Variants in ARHGAP26 observed in about 807,000 individuals in gnomAD.
ARHGAP26 encodes the protein Rho GTPase activating protein 26.
ARHGAP26 carries 38 observed loss-of-function variants against 104.8 expected under a neutral mutation model. The ratio of observed to expected loss-of-function variants is 0.36; its 90% CI spans 0.28 to 0.48. The LOEUF (loss-of-function observed/expected upper bound fraction) is 0.48, where lower values mean the gene tolerates loss of function less well. Ranked by LOEUF, ARHGAP26 falls within the 20% of genes least tolerant of loss-of-function variation. ARHGAP26 has a pLI of 0.99. For missense variants in ARHGAP26, 704 were observed against 947.9 expected (o/e 0.74, Z 3.38); for synonymous variants, 341 against 340.0 (o/e 1.00, Z -0.03).
intron 17 of ARHGAP26, among the ~76,000 whole-genome samples, chr5:143,076,506 T>G (rs2150407933): frequency 6.6e-6 from 1 of 152,362 alleles, no homozygotes; most frequent in South Asian, 2.1e-4. Context: ...TATTTATATG[T>G]GTGGGCATAT....
chr5:143,200,848 C>A (rs914263946), intron 20 of ARHGAP26, among the ~76,000 whole-genome samples: 1 of 152,320 alleles, frequency 6.6e-6, no homozygotes. Context: ...AGAGGGTCTG[C>A]CACATCCCTT....
At chr5:143,179,990 A>C (rs1804067772) in intron 20 of ARHGAP26, among the ~76,000 whole-genome samples, 1 of 151,816 alleles carries the variant, frequency 6.6e-6, no homozygotes, top group Admixed American at 6.6e-5. Context: ...TAAAACCCTC[A>C]ATTTGCTTTT....
chr5:142,899,260 C>A (rs987168899), intron 6 of ARHGAP26, among the ~76,000 whole-genome samples: 5 of 152,108 alleles, frequency 3.3e-5, no homozygotes, highest in Non-Finnish European at 7.4e-5. Context: ...TTCAACATAT[C>A]TTTTTTTGGG....
chr5:142,900,888 G>A (rs751744991), intron 6 of ARHGAP26, among the ~76,000 whole-genome samples: 4 of 152,210 alleles, frequency 2.6e-5, no homozygotes, highest in Admixed American at 6.5e-5. Context: ...ATGTGGGTCA[G>A]CCTTCAGAAG....
chr5:142,784,450 A>G (rs1449139852), intron 1 of ARHGAP26, among the ~76,000 whole-genome samples: 4 of 152,224 alleles, frequency 2.6e-5, no homozygotes, highest in African/African-American at 7.2e-5. Context: ...CATGAAGATG[A>G]TCACCAGTTG....
chr5:143,051,425 C>A (rs1044247049), intron 14 of ARHGAP26, among the ~76,000 whole-genome samples: 2 of 152,180 alleles, frequency 1.3e-5, no homozygotes, highest in African/African-American at 4.8e-5. Context: ...TAGTTTAGAT[C>A]TGTTTTACTA....
At chr5:143,092,170 G>GTTTTT (rs70991792) in intron 17 of ARHGAP26, among the ~76,000 whole-genome samples, 3 of 131,288 alleles carry the variant, frequency 2.3e-5, no homozygotes, top group Admixed American at 8.1e-5. Flanking sequence ...TTTTTTTTTT[G>GTTTTT]TTTTTTTTTT....
At chr5:143,017,128 T>C (rs1003342935) in intron 12 of ARHGAP26, among the ~76,000 whole-genome samples, 37 of 152,220 alleles carry the variant, frequency 2.4e-4, no homozygotes, top group African/African-American at 8.7e-4. Context: ...AAATTCCAAA[T>C]GTCCGGCATT....
At chr5:142,833,475 A>G (rs1234948115) in intron 1 of ARHGAP26, among the ~76,000 whole-genome samples, 1 of 152,116 alleles carries the variant, frequency 6.6e-6, no homozygotes, top group Non-Finnish European at 1.5e-5. Flanking sequence ...AACTTTAAAC[A>G]TTTAGAGTGT....
At chr5:143,131,331 A>G (rs1797327912) in intron 18 of ARHGAP26, among the ~76,000 whole-genome samples, 1 of 152,196 alleles carries the variant, frequency 6.6e-6, no homozygotes, top group Non-Finnish European at 1.5e-5. Context: ...GACAGTTGAA[A>G]TTGAAGTCCA....
chr5:142,850,926 G>A (rs773578836), intron 1 of ARHGAP26, among the ~76,000 whole-genome samples: 1 of 152,170 alleles, frequency 6.6e-6, no homozygotes, highest in East Asian at 1.9e-4. Context: ...GCATTAGAGT[G>A]GTGGATAAGC....
chr5:143,051,058 T>C (rs566389729), intron 14 of ARHGAP26, among the ~76,000 whole-genome samples: 1 of 152,336 alleles, frequency 6.6e-6, no homozygotes, highest in East Asian at 1.9e-4. Flanking sequence ...TTCATGTATA[T>C]CTGTTTTTTT....
intron 20 of ARHGAP26, chr5:143,168,923 G>A (rs1033364757): frequency 1.1e-4 from 16 of 152,186 alleles, no homozygotes; most frequent in African/African-American, 3.9e-4. Context: ...AGTACATGTG[G>A]TATTTATTTT....
intron 13 of ARHGAP26, 112 bp downstream of exon 13, chr5:143,037,373 G>C (rs929106896): frequency 4.9e-6 from 4 of 808,418 alleles, no homozygotes; most frequent in Non-Finnish European, 7.3e-6. Flanking sequence ...AGCTCCCCAA[G>C]TGCCATTGTC....
intron 11 of ARHGAP26, among the ~76,000 whole-genome samples, chr5:142,979,366 A>T (rs889470659): frequency 1.1e-4 from 16 of 152,246 alleles, no homozygotes; most frequent in Middle Eastern, 3.4e-3. Flanking sequence ...TTTGCTCTGC[A>T]ATTGCTTTTT....
intron 17 of ARHGAP26, among the ~76,000 whole-genome samples, chr5:143,064,864 C>T (rs1394900940): frequency 6.6e-6 from 1 of 152,180 alleles, no homozygotes; most frequent in African/African-American, 2.4e-5. Context: ...CTAAATCTTT[C>T]ACATCACATG....
chr5:142,818,762 C>T (rs755994043), intron 1 of ARHGAP26, among the ~76,000 whole-genome samples: 1 of 152,122 alleles, frequency 6.6e-6, no homozygotes, highest in Admixed American at 6.5e-5. Context: ...CTGTGTTTGT[C>T]GTCATTGTTT....
intron 18 of ARHGAP26, among the ~76,000 whole-genome samples, chr5:143,124,748 G>A (rs547881921): frequency 1.3e-4 from 20 of 152,216 alleles, no homozygotes; most frequent in Admixed American, 2.0e-4. Flanking sequence ...ATTCAAGGCA[G>A]GGGGAGCTAG....
chr5:142,977,095 C>T (rs1388779082), intron 11 of ARHGAP26, among the ~76,000 whole-genome samples: 1 of 152,152 alleles, frequency 6.6e-6, no homozygotes, highest in African/African-American at 2.4e-5. Context: ...ACCACACAGA[C>T]AGAGCTGAGG....
Sources: allele counts gnomAD v4.1 joint callset (sites outside exome capture counted in the v4.1 genomes callset), GRCh38; gene constraint gnomAD v4.1.1; transcripts MANE v1.5; gene names NCBI Gene and HGNC (gene_info 2026-07-23, HGNC 2026-07-21).